Variants in FOXP2 observed in about 807,000 individuals in gnomAD.
FOXP2 encodes the protein forkhead box protein P2.
A neutral mutation model predicts 115.8 loss-of-function variants in FOXP2; 12 were observed. The ratio of observed to expected loss-of-function variants is 0.10; its 90% CI spans 0.07 to 0.17. The LOEUF is 0.17. Among genes scored for constraint, FOXP2 ranks in the 10% least tolerant of loss-of-function variants. FOXP2 has a pLI of 1.00. For synonymous variants in FOXP2, 328 were observed against 297.7 expected (o/e 1.10, Z -1.05); for missense variants, 629 against 843.5 (o/e 0.75, Z 3.15).
intron 2 of FOXP2, among the ~76,000 whole-genome samples, chr7:114,309,693 T>C (rs1159955958): frequency 1.3e-5 from 2 of 151,808 alleles, no homozygotes; most frequent in African/African-American, 4.8e-5. Flanking sequence ...TGAGACAGAG[T>C]CTTACTTTGT....
chr7:114,224,172 A>T (rs1794692048), intron 1 of FOXP2, among the ~76,000 whole-genome samples: 1 of 152,090 alleles, frequency 6.6e-6, no homozygotes, highest in Admixed American at 6.6e-5. Context: ...AAATTAGTCC[A>T]CCTTTGAACC....
intron 2 of FOXP2, among the ~76,000 whole-genome samples, chr7:114,328,812 T>G (rs1797624513): frequency 6.6e-6 from 1 of 152,220 alleles, no homozygotes; most frequent in South Asian, 2.1e-4. Flanking sequence ...TGATGGGGTA[T>G]CAAAAGGAAT....
intron 2 of FOXP2, among the ~76,000 whole-genome samples, chr7:114,500,277 CTG>C (rs1372533374): frequency 6.8e-6 from 1 of 146,194 alleles, no homozygotes; most frequent in African/African-American, 2.5e-5. Flanking sequence ...AAATGAGAAA[CTG>C]AAACTTATAG....
intron 2 of FOXP2, among the ~76,000 whole-genome samples, chr7:114,339,021 TTTATGTAG>T (rs1348255202): frequency 1.3e-5 from 2 of 151,048 alleles, no homozygotes; most frequent in Non-Finnish European, 3.0e-5. Context: ...TTCCAGATGT[TTTATGTAG>T]TTCTGCATCT....
At chr7:114,491,805 C>T (rs1195814280) in intron 2 of FOXP2, among the ~76,000 whole-genome samples, 4 of 151,984 alleles carry the variant, frequency 2.6e-5, no homozygotes, top group East Asian at 1.9e-4. Context: ...CTGCTGGATT[C>T]GGTTTGCCAG....
intron 2 of FOXP2, among the ~76,000 whole-genome samples, chr7:114,444,095 A>G (rs969937482): frequency 2.6e-5 from 4 of 152,186 alleles, no homozygotes; most frequent in African/African-American, 9.7e-5. Context: ...TTTGAGGCCA[A>G]TGCTAAAACA....
chr7:114,559,441 G>A (rs1035259224), intron 3 of FOXP2, among the ~76,000 whole-genome samples: 32 of 152,078 alleles, frequency 2.1e-4, no homozygotes, highest in Non-Finnish European at 2.2e-4. Flanking sequence ...TCTCTACTGC[G>A]ATTTCTAACA....
chr7:114,530,673 C>A (rs1418783959), intron 2 of FOXP2, among the ~76,000 whole-genome samples: 3 of 151,826 alleles, frequency 2.0e-5, no homozygotes, highest in African/African-American at 7.2e-5. Context: ...TGGCAGGTTA[C>A]AAAGCATTTT....
At chr7:114,678,046 T>A (rs1407902172) in intron 16 of FOXP2, among the ~76,000 whole-genome samples, 1 of 152,206 alleles carries the variant, frequency 6.6e-6, no homozygotes, top group Non-Finnish European at 1.5e-5. Context: ...AGTTAACGAC[T>A]GAAGCATGCA....
At chr7:114,646,060 TA>T (rs57137258) in intron 8 of FOXP2, among the ~76,000 whole-genome samples, 1,939 of 85,614 alleles carry the variant, frequency 0.023, 37 homozygotes, top group African/African-American at 0.068. Flanking sequence ...TTTTCTTCTC[TA>T]AAAAAAAAAA....
chr7:114,421,530 A>G (rs540216166), intron 1 of FOXP2, among the ~76,000 whole-genome samples: 143 of 151,728 alleles, frequency 9.4e-4, no homozygotes, highest in Middle Eastern at 3.5e-3. Flanking sequence ...TAATTTGTGT[A>G]TAGCATTTTA....
At chr7:114,348,992 C>A (rs1232668004) in intron 2 of FOXP2, among the ~76,000 whole-genome samples, 7 of 151,942 alleles carry the variant, frequency 4.6e-5, no homozygotes, top group African/African-American at 1.5e-4. Flanking sequence ...AAATATAGTT[C>A]AAAGCTAGAC....
chr7:114,628,643 T>C lies in FOXP2; in HGVS notation c.362T>C (p.Leu121Pro). The C allele has an allele frequency of 6.2e-7, 1 of 1,614,084 alleles. No individual in the cohort carries two copies. Among genetic ancestry groups the C allele is most frequent in the Non-Finnish European group, 8.5e-7 (1 of 1,179,980 alleles). The change falls in exon 4 of 17, where the codon CTT becomes CCT. Residue 121 changes from leucine to proline, a missense_variant. Physicochemically the swap from Leu to Pro is moderately conservative, Grantham distance 98. Transcript: ENST00000350908. Reference protein sequence around the residue: ...QVLSPQQLQALLQQQQAVMLQ... With the variant: ...QVLSPQQLQAPLQQQQAVMLQ... ...CTGTCTCCTCAGCAGCTACAAGCCC[T>C]TCTCCAACAACAGCAGGCTGTCATG...
intron 5 of FOXP2, 144 bp from the exon 6 acceptor site, chr7:114,631,384 C>G: frequency 1.5e-6 from 2 of 1,371,720 alleles, no homozygotes; most frequent in African/African-American, 2.9e-5. Flanking sequence ...CTAGAACTTA[C>G]TCACATTCTG....
intron 3 of FOXP2, among the ~76,000 whole-genome samples, chr7:114,584,668 A>G (rs377113674): frequency 2.0e-5 from 3 of 152,320 alleles, no homozygotes; most frequent in African/African-American, 7.2e-5. Flanking sequence ...TCTGCCCTGA[A>G]TATGTTCACT....
Position 114,693,569 on chromosome 7 carries a change from T to G in FOXP2, c.*3643T>G, listed in dbSNP as rs536004145. Reference sequence around the variant, plus strand: ...CCCTTGTTATTTCACTAGTTCAGGTTGCAACGAAAGGTTTTTTTGTCCATG... The same window carrying G: ...CCCTTGTTATTTCACTAGTTCAGGTGGCAACGAAAGGTTTTTTTGTCCATG... On this transcript the variant is annotated 3_prime_UTR_variant, in exon 17 of 17. Transcript: ENST00000350908. 4 of 453,366 alleles carry G rather than the reference T, an allele frequency of 8.8e-6. No homozygotes were observed. In the Admixed American group the frequency reaches 9.4e-5, roughly 11 times the overall value. 28.1% of individuals were successfully genotyped at this position (453,366 alleles called of 1,614,324 possible).
intron 1 of FOXP2, among the ~76,000 whole-genome samples, chr7:114,100,349 G>T (rs182521701): frequency 8.2e-4 from 125 of 152,090 alleles, no homozygotes; most frequent in African/African-American, 3.0e-3. Context: ...AAAATGTTGT[G>T]TCCAGAACTA....
chr7:114,544,463 T>C (rs1310198132), intron 3 of FOXP2, among the ~76,000 whole-genome samples: 1 of 152,222 alleles, frequency 6.6e-6, no homozygotes, highest in Admixed American at 6.5e-5. Context: ...TACCTAATAG[T>C]TAAGCATTTT....
chr7:114,625,398 G>A (rs1379213634), intron 3 of FOXP2, among the ~76,000 whole-genome samples: 5 of 151,646 alleles, frequency 3.3e-5, no homozygotes, highest in Non-Finnish European at 7.4e-5. Context: ...TACATATCTA[G>A]CGAAAAATAG....
Sources: allele counts gnomAD v4.1 joint callset (sites outside exome capture counted in the v4.1 genomes callset), GRCh38; gene constraint gnomAD v4.1.1; transcripts MANE v1.5; gene names NCBI Gene and HGNC (gene_info 2026-07-23, HGNC 2026-07-21).